RGS7: variants seen among roughly 807,000 people sequenced by gnomAD.
RGS7 encodes regulator of G-protein signaling 7.
In RGS7, 27 loss-of-function variants were observed where a neutral mutation model predicts 81.1. The ratio of observed to expected loss-of-function variants is 0.33; its 90% confidence interval spans 0.25 to 0.46. The LOEUF (loss-of-function observed/expected upper bound fraction) is 0.46. Ranked by LOEUF, RGS7 falls within the 20% of genes least tolerant of loss-of-function variation. The pLI, the probability that RGS7 is intolerant of heterozygous loss-of-function variation, is 1.00. For missense variants in RGS7, 396 were observed against 607.4 expected (o/e 0.65, Z 3.66); for synonymous variants, 208 against 207.7 (o/e 1.00, Z -0.01).
rs1411818153 is a variant in RGS7, at chr1:241,087,989, TATATATAC to T, written c.175+10669_175+10676del. On this transcript the variant is annotated intron_variant, in intron 3 of 18. Coordinates refer to ENST00000440928, the MANE Select transcript of RGS7 (RefSeq NM_001364886.1). ...CTCTCTCTCTCTCTATATATATATA[TATATATAC>T]ACACACACACATATATATATACACA... Among the ~76,000 whole-genome samples the T allele has an allele frequency of 9.1e-4, 92 of 101,642 alleles. 2 individuals are homozygous for T. Among genetic ancestry groups the T allele is most frequent in the African/African-American group, 2.5e-3 (62 of 25,276 alleles). 66.7% of individuals were successfully genotyped at this position (101,642 alleles called of 152,430 possible).
At chr1:241,174,466 G>A (rs951747005) in intron 2 of RGS7, among the ~76,000 whole-genome samples, 2 of 152,236 alleles carry the variant, frequency 1.3e-5, no homozygotes, top group Non-Finnish European at 1.5e-5. Flanking sequence ...AGGAGGCACT[G>A]ATGCTGCTGA....
chr1:241,301,009 T>C (rs2079721111), intron 2 of RGS7, among the ~76,000 whole-genome samples: 1 of 152,260 alleles, frequency 6.6e-6, no homozygotes, highest in South Asian at 2.1e-4. Flanking sequence ...CCTAGTGAGA[T>C]ATATGTCAAG....
At chr1:240,859,496 G>A (rs1205770816) in intron 9 of RGS7, among the ~76,000 whole-genome samples, 1 of 140,080 alleles carries the variant, frequency 7.1e-6, no homozygotes, top group Non-Finnish European at 1.5e-5. Context: ...AAATTTCTGG[G>A]CATAGAGTTG....
chr1:240,917,496 T>C (rs1672793698), intron 6 of RGS7, among the ~76,000 whole-genome samples: 1 of 152,200 alleles, frequency 6.6e-6, no homozygotes, highest in South Asian at 2.1e-4. Context: ...GTAGGAATAC[T>C]CTGTTATGGG....
chr1:241,224,033 T>C (rs1185312547), intron 2 of RGS7, among the ~76,000 whole-genome samples: 2 of 150,742 alleles, frequency 1.3e-5, no homozygotes, highest in Non-Finnish European at 3.0e-5. Flanking sequence ...TTATAAAATG[T>C]CTTGTCTAAT....
At chr1:241,338,415 TC>T (rs2082358067) in intron 2 of RGS7, among the ~76,000 whole-genome samples, 2 of 152,084 alleles carry the variant, frequency 1.3e-5, no homozygotes, top group Admixed American at 6.6e-5. Context: ...CAGCTAAACT[TC>T]CAAGCAAGCA....
At chr1:240,946,420 T>C (rs1307206951) in intron 4 of RGS7, among the ~76,000 whole-genome samples, 1 of 152,004 alleles carries the variant, frequency 6.6e-6, no homozygotes, top group Non-Finnish European at 1.5e-5. Context: ...CTGGACATCA[T>C]AGTGAGACTC....
chr1:241,352,705 A>AT (rs2083323332), intron 2 of RGS7, among the ~76,000 whole-genome samples: 2 of 152,182 alleles, frequency 1.3e-5, no homozygotes, highest in African/African-American at 4.8e-5. Flanking sequence ...TCCGCTGTAC[A>AT]TTTTTTCCAT....
chr1:241,133,604 C>T (rs73129629), intron 2 of RGS7, among the ~76,000 whole-genome samples: 7,652 of 151,926 alleles, frequency 0.05, 581 homozygotes, highest in African/African-American at 0.17. Flanking sequence ...TTCTGTAATA[C>T]TAAATTTGAA....
chr1:241,153,060 G>T (rs553172201), intron 2 of RGS7, among the ~76,000 whole-genome samples: 1 of 152,270 alleles, frequency 6.6e-6, no homozygotes, highest in South Asian at 2.1e-4. Context: ...GGAACTTGGG[G>T]TAATACAAAT....
intron 2 of RGS7, 152 bp downstream of exon 2, chr1:241,355,547 G>A (rs1427261452): frequency 2.2e-5 from 16 of 739,990 alleles, no homozygotes; most frequent in Non-Finnish European, 3.4e-5. Flanking sequence ...ATTTGAGAAT[G>A]TCAGATCACT....
chr1:241,341,923 G>A (rs2082579221), intron 2 of RGS7, among the ~76,000 whole-genome samples: 2 of 139,996 alleles, frequency 1.4e-5, no homozygotes, highest in Non-Finnish European at 3.0e-5. Context: ...CACCCAGGCT[G>A]GAGTGCAGTG....
chr1:241,174,377 T>G (rs1018630837), intron 2 of RGS7, among the ~76,000 whole-genome samples: 1 of 152,232 alleles, frequency 6.6e-6, no homozygotes, highest in Non-Finnish European at 1.5e-5. Flanking sequence ...GTCCAAAGTG[T>G]GATTTTGTCA....
At chr1:241,350,692 G>A (rs2083181103) in intron 2 of RGS7, among the ~76,000 whole-genome samples, 1 of 132,102 alleles carries the variant, frequency 7.6e-6, no homozygotes. Flanking sequence ...AGGTTCACTT[G>A]AGCCCAAGAG....
intron 3 of RGS7, among the ~76,000 whole-genome samples, chr1:241,062,767 C>T (rs2061811430): frequency 6.6e-6 from 1 of 152,134 alleles, no homozygotes; most frequent in Non-Finnish European, 1.5e-5. Context: ...AAAATGGCCT[C>T]TTGGATGAAA....
Position 241,314,067 on chromosome 1 carries a change from C to T in RGS7, c.78+41632G>A, listed in dbSNP as rs141194594. ...AGATGGAATCTACTCCTAGTGAAGA[C>T]GCTATGAACATTTTTGAAATGACAA... On this transcript the variant is annotated intron_variant, in intron 2 of 18. Coordinates refer to ENST00000440928, the MANE Select transcript of RGS7 (RefSeq NM_001364886.1). Among the ~76,000 whole-genome samples the T allele has an allele frequency of 5.8e-3, 881 of 152,224 alleles. 5 individuals carry two copies. Among genetic ancestry groups the T allele is most frequent in the African/African-American group, 0.02 (811 of 41,540 alleles).
chr1:241,117,628 T>C (rs1414149640), intron 2 of RGS7, among the ~76,000 whole-genome samples: 1 of 152,162 alleles, frequency 6.6e-6, no homozygotes, highest in Non-Finnish European at 1.5e-5. Context: ...CTGGTTAATT[T>C]GACAGGAAAA....
At chr1:240,982,852 T>C (rs1282890354) in intron 4 of RGS7, among the ~76,000 whole-genome samples, 2 of 152,224 alleles carry the variant, frequency 1.3e-5, no homozygotes, top group Non-Finnish European at 2.9e-5. Context: ...CTGAATCAAA[T>C]AATATGGCAG....
At chr1:241,252,359 G>C (rs74380871) in intron 2 of RGS7, among the ~76,000 whole-genome samples, 1 of 152,178 alleles carries the variant, frequency 6.6e-6, no homozygotes, top group East Asian at 1.9e-4. Flanking sequence ...TTTCTTTCTT[G>C]ATAACTGTAA....
Sources: allele counts gnomAD v4.1 joint callset (sites outside exome capture counted in the v4.1 genomes callset), GRCh38; gene constraint gnomAD v4.1.1; transcripts MANE v1.5; gene names NCBI Gene and HGNC (gene_info 2026-07-23, HGNC 2026-07-21).